The following PHF24 variants were observed in gnomAD, a reference collection of about 807,000 sequenced individuals.
PHF24 encodes Galpha inhibitory interacting protein.
In PHF24, 25 loss-of-function variants were observed where a neutral mutation model predicts 42.6. The ratio of observed to expected loss-of-function variants is 0.59; its 90% confidence interval spans 0.43 to 0.82. The LOEUF is 0.82. Among genes scored for constraint, PHF24 ranks in the 40% least tolerant of loss-of-function variants. The probability of loss-of-function intolerance (pLI) is 0.00; values close to 1 mark genes in which losing one functional copy is unlikely to be tolerated. For missense variants in PHF24, 470 were observed against 538.1 expected (o/e 0.87, Z 1.25); for synonymous variants, 185 against 204.8 (o/e 0.90, Z 0.83).
At chr9:34,709,175 G>A in the PHF24 span, 18 of 606,836 alleles carry the variant, frequency 3.0e-5, 1 homozygote, top group Admixed American at 1.2e-4. Context: ...CTCCCTCCTC[G>A]GTCTCTCTGG....
the PHF24 span, among the ~76,000 whole-genome samples, chr9:34,920,640 A>G: frequency 1.3e-5 from 2 of 152,286 alleles, no homozygotes; most frequent in South Asian, 4.1e-4. Flanking sequence ...TGAATATGGA[A>G]TATCTTTTTA....
chr9:34,910,040 G>T, the PHF24 span, among the ~76,000 whole-genome samples: 1 of 152,176 alleles, frequency 6.6e-6, no homozygotes, highest in South Asian at 2.1e-4. Flanking sequence ...GTTAATAAAT[G>T]CTGGCTTTTA....
chr9:34,690,347 G>A, the PHF24 span: 2 of 1,613,484 alleles, frequency 1.2e-6, no homozygotes, highest in Middle Eastern at 1.7e-4. Flanking sequence ...TTGGGGCTGG[G>A]ATGGGGAAAG....
At chr9:34,974,959 T>A (rs1315591313) in intron 3 of PHF24, among the ~76,000 whole-genome samples, 4 of 152,128 alleles carry the variant, frequency 2.6e-5, no homozygotes, top group African/African-American at 9.7e-5. Flanking sequence ...AATATCTCTC[T>A]TCCCTTCTTC....
chr9:34,686,393 G>A, the PHF24 span, among the ~76,000 whole-genome samples: 2 of 152,216 alleles, frequency 1.3e-5, no homozygotes, highest in African/African-American at 4.8e-5. Context: ...AGCCCCAGCT[G>A]TCTTGAGAAC....
chr9:34,720,631 T>G, the PHF24 span, among the ~76,000 whole-genome samples: 28 of 152,076 alleles, frequency 1.8e-4, no homozygotes, highest in African/African-American at 6.3e-4. Context: ...GCAGCTTCTT[T>G]GTCTTCCTGC....
At chr9:34,759,800 C>A in the PHF24 span, among the ~76,000 whole-genome samples, 2 of 152,190 alleles carry the variant, frequency 1.3e-5, no homozygotes, top group Non-Finnish European at 2.9e-5. Context: ...CCATCTGCTG[C>A]AAACTCCTCT....
chr9:34,977,163 C>T (rs376735062), exon 6 of PHF24: 40 of 1,613,776 alleles, frequency 2.5e-5, no homozygotes, highest in African/African-American at 2.1e-4. Flanking sequence ...GTGGGAGCAC[C>T]GTCAGTGAGG....
At chr9:34,842,609 C>T in the PHF24 span, among the ~76,000 whole-genome samples, 1 of 152,144 alleles carries the variant, frequency 6.6e-6, no homozygotes, top group Non-Finnish European at 1.5e-5. Flanking sequence ...ATGCAGCAAC[C>T]AGGTTCCATC....
chr9:34,867,945 C>G, the PHF24 span, among the ~76,000 whole-genome samples: 1 of 152,148 alleles, frequency 6.6e-6, no homozygotes, highest in Non-Finnish European at 1.5e-5. Context: ...TACTTGTGCC[C>G]CGCCACAAGT....
At chr9:34,890,040 A>C in the PHF24 span, among the ~76,000 whole-genome samples, 1 of 152,202 alleles carries the variant, frequency 6.6e-6, no homozygotes, top group Non-Finnish European at 1.5e-5. Flanking sequence ...AGCAATAGCC[A>C]GTACTGAGAG....
the PHF24 span, among the ~76,000 whole-genome samples, chr9:34,866,400 T>C: frequency 1.3e-5 from 2 of 152,144 alleles, no homozygotes; most frequent in Non-Finnish European, 2.9e-5. Context: ...TTTCAAGATA[T>C]AGCTCATGAA....
the PHF24 span, among the ~76,000 whole-genome samples, chr9:34,947,526 C>T: frequency 2.0e-5 from 3 of 152,088 alleles, no homozygotes; most frequent in Admixed American, 2.0e-4. Context: ...TACTTTTTAT[C>T]TTTATTTTAG....
chr9:34,774,601 C>T, the PHF24 span, among the ~76,000 whole-genome samples: 1 of 152,024 alleles, frequency 6.6e-6, no homozygotes, highest in Non-Finnish European at 1.5e-5. Flanking sequence ...GTGAAACCCT[C>T]TCTCCACTAA....
chr9:34,961,937 T>C (rs1826601848), intron 1 of PHF24, among the ~76,000 whole-genome samples: 1 of 152,164 alleles, frequency 6.6e-6, no homozygotes, highest in South Asian at 2.1e-4. Context: ...CTCTCTCTCT[T>C]TTTGTATGTT....
the PHF24 span, among the ~76,000 whole-genome samples, chr9:34,931,410 C>T: frequency 2.9e-5 from 4 of 136,950 alleles, no homozygotes; most frequent in African/African-American, 1.1e-4. Flanking sequence ...GTATAATGAA[C>T]TTGAGGATGC....
the PHF24 span, among the ~76,000 whole-genome samples, chr9:34,928,428 T>G: frequency 1.3e-5 from 2 of 152,120 alleles, no homozygotes; most frequent in African/African-American, 4.8e-5. Flanking sequence ...CCCATAAATA[T>G]ATACACCTAT....
At chr9:34,831,395 T>TA in the PHF24 span, among the ~76,000 whole-genome samples, 1 of 152,108 alleles carries the variant, frequency 6.6e-6, no homozygotes, top group African/African-American at 2.4e-5. Flanking sequence ...GCACAGGTGG[T>TA]ATAGAAACAG....
the PHF24 span, among the ~76,000 whole-genome samples, chr9:34,899,389 C>T: frequency 6.6e-6 from 1 of 152,216 alleles, no homozygotes; most frequent in South Asian, 2.1e-4. Context: ...TTCATACGTA[C>T]CCATGAGTCC....
Sources: gnomAD v4.1 joint callset for allele counts (sites outside exome capture counted in the v4.1 genomes callset) on GRCh38, gnomAD v4.1.1 for gene constraint, MANE v1.5 for transcripts, NCBI Gene and HGNC (gene_info 2026-07-23, HGNC 2026-07-21) for gene names.